LY75: variants seen among roughly 807,000 people sequenced by gnomAD.
LY75 encodes lymphocyte antigen 75.
A neutral mutation model predicts 231.7 loss-of-function variants in LY75; 185 were observed. The observed-to-expected ratio is 0.80, with a 90% CI of 0.71 to 0.90. The LOEUF (loss-of-function observed/expected upper bound fraction) is 0.90. Among genes scored for constraint, LY75 ranks in the 40% least tolerant of loss-of-function variants. The pLI is 0.00. For synonymous variants in LY75, 668 were observed against 689.0 expected, an observed-to-expected ratio of 0.97 and a Z score of 0.48; for missense variants, 1,947 against 2,050.2, an observed-to-expected ratio of 0.95 and a Z score of 0.97.
At chr2:159,829,962 C>A (rs1357144997) in intron 28 of LY75, among the ~76,000 whole-genome samples, 4 of 152,166 alleles carry the variant, frequency 2.6e-5, no homozygotes, top group Non-Finnish European at 5.9e-5. Flanking sequence ...GTCTCTATGG[C>A]TCAATACAAG....
In LY75 at chr2:159,850,373, T is replaced by C. The variant is rs776415308; in HGVS notation, c.2978A>G (p.Gln993Arg). Residue 993 changes from glutamine to arginine, a missense_variant, in exon 22 of 35, where the codon CAG becomes CGG. Transcript: ENST00000263636. ...AATAATTCCAGTACCTTGTTCAATC[T>C]GGCTCAACACTGAAGGAAGGGTGCC... ...YGGTLPSVLSQIEQDFITSLL... is the reference protein window; with the variant it reads ...YGGTLPSVLSRIEQDFITSLL... 4.3e-6 allele frequency: 7 copies of C among 1,613,554 alleles called. No individual in the cohort carries two copies. The highest frequency in any genetic ancestry group is 3.3e-5 in the Admixed American group (2 of 59,962).
At chr2:159,834,705 C>T (rs1367550009) in intron 26 of LY75, among the ~76,000 whole-genome samples, 1 of 152,226 alleles carries the variant, frequency 6.6e-6, no homozygotes, top group African/African-American at 2.4e-5. Context: ...CTGACATCTA[C>T]AGTATCTGAT....
intron 33 of LY75, chr2:159,807,797 T>C: frequency 2.1e-6 from 2 of 949,614 alleles, no homozygotes; most frequent in Middle Eastern, 5.4e-4. Flanking sequence ...TCTGTCATAT[T>C]TGTACTCTTA....
chr2:159,872,670 A>G, intron 12 of LY75, 77 bp from the exon 13 acceptor site: 1 of 1,508,820 alleles, frequency 6.6e-7, no homozygotes, highest in South Asian at 1.2e-5. Flanking sequence ...AATTACTGTC[A>G]CATGTGTGGG....
At chr2:159,810,434 T>A in intron 32 of LY75, 92 bp downstream of exon 32, 1 of 1,517,576 alleles carries the variant, frequency 6.6e-7, no homozygotes, top group Non-Finnish European at 8.9e-7. Flanking sequence ...TAAAAATATT[T>A]TCAAAAATAC....
At chr2:159,901,534 T>G (rs1001996653) in intron 1 of LY75, among the ~76,000 whole-genome samples, 1 of 152,232 alleles carries the variant, frequency 6.6e-6, no homozygotes, top group Non-Finnish European at 1.5e-5. Flanking sequence ...AGCTTTGCCT[T>G]CCTTTGCAGT....
chr2:159,889,742 A>G (rs999244451), intron 4 of LY75, among the ~76,000 whole-genome samples: 1 of 152,174 alleles, frequency 6.6e-6, no homozygotes, highest in Non-Finnish European at 1.5e-5. Context: ...AGTCCTACCC[A>G]TTCTGTGTCC....
intron 28 of LY75, among the ~76,000 whole-genome samples, chr2:159,820,238 AG>A (rs1334739856): frequency 2.6e-5 from 4 of 152,234 alleles, no homozygotes; most frequent in Admixed American, 6.5e-5. Flanking sequence ...GCATGTTTAT[AG>A]CAGCACAATT....
In LY75 at chr2:159,850,789, T is replaced by TATATATATATATAA. The variant is rs796940571; in HGVS notation, c.2884-323_2884-322insTTATATATATATAT. On this transcript the variant is annotated intron_variant, in intron 21 of 34. Coordinates refer to ENST00000263636, the MANE Select transcript of LY75 (RefSeq NM_002349.4). ...TCAAACTTTCATATATATATATATA[T>TATATATATATATAA]ATATATATATTATATCTTATATATA... Among the ~76,000 whole-genome samples the TATATATATATATAA allele has an allele frequency of 1.4e-4, 12 of 88,602 alleles. 1 individual carries two copies. The East Asian group carries it at 1.5e-3, about 11-fold the overall frequency. 58.1% of individuals were successfully genotyped at this position (88,602 alleles called of 152,430 possible).
chr2:159,874,621 T>TAAAG (rs1441869028), intron 12 of LY75, among the ~76,000 whole-genome samples: 4 of 103,048 alleles, frequency 3.9e-5, no homozygotes, highest in Non-Finnish European at 7.4e-5. Flanking sequence ...TGTAAATATA[T>TAAAG]ATATAGTAAA....
At position 159,810,617 on chromosome 2, in the gene LY75, C is replaced by T. The variant is rs759736490; in HGVS notation, c.4608G>A (p.Gly1536=). Residue 1536 remains glycine, a synonymous_variant, in exon 32 of 35, where the codon GGG becomes GGA. Coordinates refer to ENST00000263636, the MANE Select transcript of LY75 (RefSeq NM_002349.4). ...SSRCPAAKEN[G]SRWIQYKGHC... ...GACCCTTGTACTGGATCCACCGTGA[C>T]CCATTCTCTTTTGCTGCTGGACATC... The T allele has an allele frequency of 6.2e-7, 1 of 1,614,078 alleles. No individual in the cohort carries two copies.
intron 34 of LY75, among the ~76,000 whole-genome samples, chr2:159,805,481 G>C (rs1358375867): frequency 1.3e-5 from 2 of 152,148 alleles, no homozygotes; most frequent in Non-Finnish European, 2.9e-5. Flanking sequence ...TTCTTCCAAA[G>C]ACATTAATGC....
chr2:159,806,325 G>C (rs537198272), intron 34 of LY75, among the ~76,000 whole-genome samples: 97 of 152,198 alleles, frequency 6.4e-4, no homozygotes, highest in African/African-American at 2.3e-3. Context: ...CTCAGTGTGT[G>C]TATACATGGA....
chr2:159,845,111 G>C (rs755274387), intron 23 of LY75, among the ~76,000 whole-genome samples: 4 of 152,108 alleles, frequency 2.6e-5, no homozygotes, highest in Non-Finnish European at 5.9e-5. Context: ...ATGAGAAAGA[G>C]ATGGAACTAT....
intron 30 of LY75, among the ~76,000 whole-genome samples, chr2:159,815,826 T>A (rs1683106465): frequency 6.6e-6 from 1 of 152,222 alleles, no homozygotes; most frequent in African/African-American, 2.4e-5. Context: ...TCTTCAGATT[T>A]TTTTGAAGGA....
rs369044706 is a variant in LY75, at chr2:159,875,666, A to G, written c.1775-23T>C. 107 of 1,610,568 alleles carry G rather than the reference A, an allele frequency of 6.6e-5. 1 individual carries two copies. Among genetic ancestry groups the G allele is most frequent in the Admixed American group, 1.2e-4 (7 of 59,110 alleles). On this transcript the variant is annotated intron_variant, in intron 11 of 34. Transcript: ENST00000263636. ...AAGCTGGGATTGAAGTGGAAAGCTC[A>G]ATTAAAAATTAAAACGTTAAAGTTC... is the stretch of plus-strand genomic sequence containing the variant.
chr2:159,883,677 C>T (rs1354343509), intron 6 of LY75, among the ~76,000 whole-genome samples: 2 of 152,166 alleles, frequency 1.3e-5, no homozygotes, highest in Non-Finnish European at 2.9e-5. Context: ...TTTACTTAAT[C>T]TATCATCAAT....
At chr2:159,899,651 T>C (rs1199236523) in intron 1 of LY75, among the ~76,000 whole-genome samples, 1 of 152,256 alleles carries the variant, frequency 6.6e-6, no homozygotes, top group Non-Finnish European at 1.5e-5. Flanking sequence ...TGTGCTCCTC[T>C]GCCTTAGGGC....
Position 159,854,484 on chromosome 2 carries a change from C to A in LY75, c.2471G>T (p.Trp824Leu). Reference protein sequence around the residue: ...PPLIIEGSEYWFVADLHLNYE... With the variant: ...PPLIIEGSEYLFVADLHLNYE... ...GTTTAGGTGAAGATCAGCAACAAAC[C>A]AATATTCACTTCCTTCAATTATAAG... is the stretch of plus-strand genomic sequence containing the variant. Residue 824 changes from tryptophan (W) to leucine (L), a missense_variant, in exon 18 of 35, where the codon TGG (tryptophan) becomes TTG (leucine). Coordinates refer to ENST00000263636, the MANE Select transcript of LY75 (RefSeq NM_002349.4). 6.2e-7 allele frequency: 1 copy of A among 1,613,404 alleles called. No individual in the cohort carries two copies. Among genetic ancestry groups the A allele is most frequent in the South Asian group, 1.1e-5 (1 of 91,030 alleles).
Sources: allele counts gnomAD v4.1 joint callset (sites outside exome capture counted in the v4.1 genomes callset), GRCh38; gene constraint gnomAD v4.1.1; transcripts MANE v1.5; gene names NCBI Gene and HGNC (gene_info 2026-07-23, HGNC 2026-07-21).